The following MEIS2 variants were observed in gnomAD, a reference collection of about 807,000 sequenced individuals.
The protein encoded by MEIS2 is homeobox protein Meis2.
In MEIS2, 9 loss-of-function variants were observed where a neutral mutation model predicts 58.6. That is an observed-to-expected ratio of 0.15 (90% confidence interval 0.09 to 0.27). The LOEUF (loss-of-function observed/expected upper bound fraction) is 0.27. MEIS2 is among the 10% of genes least tolerant of loss of function. The pLI, the probability that MEIS2 is intolerant of heterozygous loss-of-function variation, is 1.00. For missense variants in MEIS2, 427 were observed against 635.0 expected (o/e 0.67, Z 3.52); for synonymous variants, 221 against 228.4 (o/e 0.97, Z 0.29).
intron 8 of MEIS2, among the ~76,000 whole-genome samples, chr15:37,003,730 AC>A (rs902203856): frequency 1.3e-4 from 20 of 152,084 alleles, no homozygotes; most frequent in African/African-American, 4.8e-4. Flanking sequence ...TGAAATTCTA[AC>A]CCCCAATGTG....
rs374835004 is a variant in MEIS2, at chr15:37,030,371, CT to C, written c.900+6442del. On this transcript the variant is annotated intron_variant, in intron 8 of 11. Coordinates refer to ENST00000561208, the MANE Select transcript of MEIS2 (RefSeq NM_170675.5). ...CTGAGGGGTATTTCCATTTTTTTTT[CT>C]TTTTTTTAGGCTGGAGTGCAGTGGC... Among the ~76,000 whole-genome samples the C allele has an allele frequency of 1.6e-3, 240 of 150,834 alleles. 1 individual carries two copies. Among genetic ancestry groups the C allele is most frequent in the African/African-American group, 5.4e-3 (224 of 41,136 alleles).
At chr15:36,981,237 A>T (rs1003451161) in intron 8 of MEIS2, among the ~76,000 whole-genome samples, 25 of 152,104 alleles carry the variant, frequency 1.6e-4, no homozygotes, top group Admixed American at 4.6e-4. Flanking sequence ...ATTGCTGATT[A>T]AAAAAGCTAT....
intron 9 of MEIS2, among the ~76,000 whole-genome samples, chr15:36,929,149 G>A (rs2057867026): frequency 6.6e-6 from 1 of 152,152 alleles, no homozygotes. Flanking sequence ...AATATTTGCA[G>A]ACATATTACC....
intron 7 of MEIS2, among the ~76,000 whole-genome samples, chr15:37,043,058 A>C (rs949798692): frequency 6.6e-6 from 1 of 152,252 alleles, no homozygotes; most frequent in African/African-American, 2.4e-5. Context: ...CACACTGTCA[A>C]ACAAACACCT....
At chr15:36,927,343 G>A (rs936996369) in intron 9 of MEIS2, among the ~76,000 whole-genome samples, 1 of 152,042 alleles carries the variant, frequency 6.6e-6, no homozygotes, top group East Asian at 1.9e-4. Context: ...TCCACAGAGA[G>A]GATCTGAGGG....
chr15:36,899,712 AACT>A (rs2056371578), intron 9 of MEIS2, among the ~76,000 whole-genome samples: 1 of 152,212 alleles, frequency 6.6e-6, no homozygotes, highest in South Asian at 2.1e-4. Flanking sequence ...GGAAAAATGT[AACT>A]TGCTGGTTCA....
chr15:37,009,681 C>T (rs888450149), intron 8 of MEIS2, among the ~76,000 whole-genome samples: 1 of 152,168 alleles, frequency 6.6e-6, no homozygotes, highest in Non-Finnish European at 1.5e-5. Flanking sequence ...AAACTTGCTT[C>T]CTAGTCTCTC....
chr15:36,987,691 G>T (rs753144341), intron 8 of MEIS2, among the ~76,000 whole-genome samples: 1 of 151,910 alleles, frequency 6.6e-6, no homozygotes, highest in East Asian at 1.9e-4. Context: ...CAAAGAAAAG[G>T]CATGTCAGCT....
At chr15:36,980,357 C>T (rs891876493) in intron 8 of MEIS2, among the ~76,000 whole-genome samples, 2 of 152,094 alleles carry the variant, frequency 1.3e-5, no homozygotes, top group African/African-American at 4.8e-5. Context: ...CAAGACTGGG[C>T]AGTTTACAAA....
intron 9 of MEIS2, among the ~76,000 whole-genome samples, chr15:36,917,778 T>A (rs1459714636): frequency 6.6e-6 from 1 of 152,178 alleles, no homozygotes; most frequent in Admixed American, 6.5e-5. Context: ...AAGAGAACAC[T>A]TGAAGCAAAT....
At chr15:37,070,530 A>T (rs1194631094) in intron 7 of MEIS2, among the ~76,000 whole-genome samples, 2 of 152,152 alleles carry the variant, frequency 1.3e-5, no homozygotes, top group Non-Finnish European at 2.9e-5. Context: ...AAATTAGGGG[A>T]TCTGAACATT....
chr15:37,079,288 G>A (rs961040426), intron 7 of MEIS2, among the ~76,000 whole-genome samples: 2 of 152,132 alleles, frequency 1.3e-5, no homozygotes, highest in Admixed American at 6.6e-5. Flanking sequence ...ATAACAGTAA[G>A]TGACCAGTTT....
intron 8 of MEIS2, among the ~76,000 whole-genome samples, chr15:37,033,897 C>A (rs771113863): frequency 3.3e-5 from 5 of 152,058 alleles, no homozygotes; most frequent in Non-Finnish European, 7.3e-5. Flanking sequence ...GTTACTGAAC[C>A]TCTTCTCTGC....
intron 9 of MEIS2, among the ~76,000 whole-genome samples, chr15:36,912,216 C>G (rs2057063916): frequency 6.6e-6 from 1 of 152,172 alleles, no homozygotes; most frequent in Non-Finnish European, 1.5e-5. Context: ...AAGACCACAG[C>G]AACCATGGAG....
chr15:37,001,049 T>C (rs2141596870), intron 8 of MEIS2, among the ~76,000 whole-genome samples: 1 of 152,344 alleles, frequency 6.6e-6, no homozygotes, highest in South Asian at 2.1e-4. Flanking sequence ...CTCACCCTTC[T>C]CTGTCGACCT....
chr15:37,091,011 G>A (rs1257269697), intron 6 of MEIS2, among the ~76,000 whole-genome samples: 2 of 152,020 alleles, frequency 1.3e-5, no homozygotes, highest in African/African-American at 4.8e-5. Context: ...ATCCAGCCTG[G>A]GGCAATGTAT....
chr15:36,956,988 T>A (rs1455300885), intron 8 of MEIS2, among the ~76,000 whole-genome samples: 1 of 152,076 alleles, frequency 6.6e-6, no homozygotes, highest in East Asian at 1.9e-4. Context: ...TTGCTTTAAT[T>A]TCTATAGCAA....
intron 8 of MEIS2, among the ~76,000 whole-genome samples, chr15:36,960,749 T>C (rs2059152483): frequency 6.6e-6 from 1 of 152,116 alleles, no homozygotes; most frequent in African/African-American, 2.4e-5. Context: ...TTAATTATAG[T>C]CTCATATTCT....
At chr15:36,988,528 A>G (rs971419545) in intron 8 of MEIS2, among the ~76,000 whole-genome samples, 1 of 152,204 alleles carries the variant, frequency 6.6e-6, no homozygotes, top group Non-Finnish European at 1.5e-5. Flanking sequence ...TTTACTTGTT[A>G]TAATAGATAA....
Sources: allele counts gnomAD v4.1 joint callset (sites outside exome capture counted in the v4.1 genomes callset), GRCh38; gene constraint gnomAD v4.1.1; transcripts MANE v1.5; gene names NCBI Gene and HGNC (gene_info 2026-07-23, HGNC 2026-07-21).